TBC1D8: variants seen among roughly 807,000 people sequenced by gnomAD.
The protein encoded by TBC1D8 is TBC1 domain family member 8.
A neutral mutation model predicts 118.8 loss-of-function variants in TBC1D8; 65 were observed. The observed-to-expected ratio is 0.55, with a 90% CI of 0.45 to 0.67. TBC1D8 has a LOEUF of 0.67. Ranked by LOEUF, TBC1D8 falls within the 30% of genes least tolerant of loss-of-function variation. The pLI is 0.00. For synonymous variants in TBC1D8, 566 were observed against 595.8 expected (o/e 0.95, Z 0.73); for missense variants, 1,376 against 1,471.2 (o/e 0.94, Z 1.06).
At chr2:101,055,845 A>G (rs2105419246) in intron 3 of TBC1D8, among the ~76,000 whole-genome samples, 1 of 152,148 alleles carries the variant, frequency 6.6e-6, no homozygotes, top group South Asian at 2.1e-4. Context: ...AAATACATTT[A>G]TAATTCAAAT....
At chr2:101,070,416 A>ATTT (rs67281797) in intron 2 of TBC1D8, among the ~76,000 whole-genome samples, 15 of 144,572 alleles carry the variant, frequency 1.0e-4, no homozygotes, top group African/African-American at 2.3e-4. Flanking sequence ...AACAAATCTG[A>ATTT]TTTTTTTTTT....
chr2:101,014,595 T>C (rs1679475006), intron 17 of TBC1D8, among the ~76,000 whole-genome samples: 2 of 152,190 alleles, frequency 1.3e-5, no homozygotes, highest in Admixed American at 1.3e-4. Context: ...CCAATCTGCT[T>C]CCATTTCACC....
At chr2:101,022,059 C>T (rs972385377) in intron 16 of TBC1D8, among the ~76,000 whole-genome samples, 1 of 152,232 alleles carries the variant, frequency 6.6e-6, no homozygotes, top group African/African-American at 2.4e-5. Flanking sequence ...GCAAGGTGAA[C>T]AGCCTCGTAT....
At position 101,033,591 on chromosome 2, in the gene TBC1D8, C is replaced by G. The variant is rs1680808065; in HGVS notation, c.1771G>C (p.Val591Leu). Reference protein sequence around the residue: ...NETGIAALRRVLTAYAHRNPK... With the variant: ...NETGIAALRRLLTAYAHRNPK... ...TTCCGGTGGGCATAGGCCGTCAAGA[C>G]TCTCCTCAAAGCAGCAATTCCCGTT... Residue 591 changes from valine to leucine, a missense_variant, in exon 10 of 20, where the codon GTC (valine) becomes CTC (leucine). Transcript: ENST00000409318. 6.2e-7 allele frequency: 1 copy of G among 1,613,916 alleles called. No homozygotes were observed.
chr2:101,133,785 A>G lies in TBC1D8; in HGVS notation c.127+17342T>C, dbSNP rs554062722. 7.2e-5 allele frequency among the ~76,000 whole-genome samples: 11 copies of G among 152,296 alleles called. No homozygotes were observed. The South Asian group carries it at 2.3e-3, about 32-fold the overall frequency. On this transcript the variant is annotated intron_variant, in intron 1 of 19. Coordinates refer to ENST00000409318, the MANE Select transcript of TBC1D8 (RefSeq NM_001330348.2). Reference sequence around the variant, plus strand: ...TAAAGAACTTCCCTGAGACTGGGCAATTAATAAAGGATAGAGGTTTAACTG... The same window carrying G: ...TAAAGAACTTCCCTGAGACTGGGCAGTTAATAAAGGATAGAGGTTTAACTG...
chr2:101,074,686 A>C (rs1674694532), intron 2 of TBC1D8, among the ~76,000 whole-genome samples: 1 of 152,244 alleles, frequency 6.6e-6, no homozygotes, highest in Non-Finnish European at 1.5e-5. Flanking sequence ...ATATTAGATA[A>C]ACAGACAAAC....
intron 1 of TBC1D8, among the ~76,000 whole-genome samples, chr2:101,143,260 A>G (rs1679190050): frequency 6.6e-6 from 1 of 151,852 alleles, no homozygotes. Context: ...ATGGGGTTTC[A>G]CCATGATGGC....
intron 9 of TBC1D8, 118 bp downstream of exon 9, chr2:101,035,900 A>G: frequency 8.4e-7 from 1 of 1,196,504 alleles, no homozygotes; most frequent in Non-Finnish European, 1.2e-6. Context: ...AATCACAGGA[A>G]TGACTCAAAG....
At chr2:101,096,244 C>T (rs529463033) in intron 1 of TBC1D8, among the ~76,000 whole-genome samples, 3 of 151,850 alleles carry the variant, frequency 2.0e-5, no homozygotes, top group Non-Finnish European at 4.4e-5. Flanking sequence ...TAAAGAAGCC[C>T]AAAGACAAAT....
chr2:101,040,509 G>A lies in TBC1D8; in HGVS notation c.873-124C>T, dbSNP rs564272078. ...TTTTGAGACAGAGTCTCGCTCTGTCGCCCAGGATGGAGTGCAGTGGTGCGA... is the reference window on the plus strand; with the variant it reads ...TTTTGAGACAGAGTCTCGCTCTGTCACCCAGGATGGAGTGCAGTGGTGCGA... On this transcript the variant is annotated intron_variant, in intron 5 of 19. Transcript: ENST00000409318. 57 of 988,298 alleles carry A rather than the reference G, an allele frequency of 5.8e-5. 1 individual carries two copies. Among genetic ancestry groups the A allele is most frequent in the African/African-American group, 1.5e-4 (9 of 61,698 alleles). 61.2% of individuals were successfully genotyped at this position (988,298 alleles called of 1,614,324 possible). A position where few individuals can be genotyped will look rare whatever the true frequency, so the allele number is the denominator to read the frequency against.
chr2:101,077,586 T>A (rs2105443362), intron 2 of TBC1D8, among the ~76,000 whole-genome samples: 1 of 152,146 alleles, frequency 6.6e-6, no homozygotes, highest in South Asian at 2.1e-4. Context: ...TCGTAAGAAT[T>A]CACTCACTAT....
At chr2:101,096,903 A>G (rs958178854) in intron 1 of TBC1D8, among the ~76,000 whole-genome samples, 2 of 152,174 alleles carry the variant, frequency 1.3e-5, no homozygotes, top group Admixed American at 1.3e-4. Flanking sequence ...ATAGGAGAAG[A>G]GATAGTAATC....
intron 1 of TBC1D8, among the ~76,000 whole-genome samples, chr2:101,148,353 C>A (rs1416508878): frequency 6.6e-6 from 1 of 152,192 alleles, no homozygotes; most frequent in African/African-American, 2.4e-5. Flanking sequence ...ATCCATTCAT[C>A]CTACAAATGT....
chr2:101,115,356 C>T (rs1302922786), intron 1 of TBC1D8, among the ~76,000 whole-genome samples: 2 of 152,210 alleles, frequency 1.3e-5, no homozygotes, highest in Admixed American at 1.3e-4. Context: ...CTTCCTCAGA[C>T]TCATGGACGT....
intron 1 of TBC1D8, among the ~76,000 whole-genome samples, chr2:101,118,565 C>T (rs1558718064): frequency 1.3e-5 from 2 of 151,572 alleles, no homozygotes; most frequent in African/African-American, 2.4e-5. Context: ...GGCTTGGTGG[C>T]AGGCACCTGT....
chr2:101,140,655 T>C (rs1573109637), intron 1 of TBC1D8, among the ~76,000 whole-genome samples: 1 of 152,298 alleles, frequency 6.6e-6, no homozygotes, highest in South Asian at 2.1e-4. Flanking sequence ...CCCTTATTCC[T>C]TGCTGCTCCC....
chr2:101,114,519 G>A (rs1677735590), intron 1 of TBC1D8, among the ~76,000 whole-genome samples: 1 of 152,124 alleles, frequency 6.6e-6, no homozygotes, highest in Admixed American at 6.6e-5. Flanking sequence ...TTTGTTCACT[G>A]TGGATTCTGA....
Position 101,007,810 on chromosome 2 carries a change from C to T in TBC1D8, c.*11G>A, listed in dbSNP as rs771578429. 3.7e-6 allele frequency: 6 copies of T among 1,611,388 alleles called. No individual in the cohort carries two copies. The highest frequency in any genetic ancestry group is 1.3e-5 in the African/African-American group (1 of 74,850). Reference sequence around the variant, plus strand: ...TGGTGGACTCCAGTGTGCATAGCAGCTGCTGTCTTGCTACAAGTTACTCAG... The same window carrying T: ...TGGTGGACTCCAGTGTGCATAGCAGTTGCTGTCTTGCTACAAGTTACTCAG... On this transcript the variant is annotated 3_prime_UTR_variant, in exon 20 of 20. Coordinates refer to ENST00000409318, the MANE Select transcript of TBC1D8 (RefSeq NM_001330348.2).
chr2:101,036,670 T>C (rs183726328), intron 8 of TBC1D8, among the ~76,000 whole-genome samples: 215 of 152,288 alleles, frequency 1.4e-3, no homozygotes, highest in African/African-American at 4.5e-3. Context: ...ATTGTTCTCA[T>C]TAACAGAAAT....
Sources: gnomAD v4.1 joint callset for allele counts (sites outside exome capture counted in the v4.1 genomes callset) on GRCh38, gnomAD v4.1.1 for gene constraint, MANE v1.5 for transcripts, NCBI Gene and HGNC (gene_info 2026-07-23, HGNC 2026-07-21) for gene names.